Variants in ASB5 observed in about 807,000 individuals in gnomAD.
The protein encoded by ASB5 is ankyrin repeat and SOCS box protein 5.
ASB5 carries 45 observed loss-of-function variants against 42.1 expected under a neutral mutation model. The observed-to-expected ratio is 1.07, with a 90% CI of 0.84 to 1.37. ASB5 has a LOEUF of 1.37. Among genes scored for constraint, ASB5 ranks in the 40% most tolerant of loss-of-function variants. The pLI is 0.00. For synonymous variants in ASB5, 147 were observed against 150.6 expected (o/e 0.98, Z 0.18); for missense variants, 402 against 399.8 (o/e 1.01, Z -0.05).
At chr4:176,222,473 T>C in intron 2 of ASB5, 53 bp from the exon 3 acceptor site, 2 of 1,409,230 alleles carry the variant, frequency 1.4e-6, no homozygotes, top group Non-Finnish European at 2.0e-6. Context: ...ACTTAAAAAA[T>C]CATCTATATG....
intron 1 of ASB5, among the ~76,000 whole-genome samples, chr4:176,231,757 A>G (rs1753552063): frequency 6.6e-6 from 1 of 152,182 alleles, no homozygotes; most frequent in East Asian, 1.9e-4. Flanking sequence ...TGAGATGAGA[A>G]GATCGCTAGA....
At chr4:176,222,162 A>G in intron 3 of ASB5, 151 bp downstream of exon 3, 1 of 688,922 alleles carries the variant, frequency 1.5e-6, no homozygotes, top group Non-Finnish European at 2.4e-6. Context: ...TTTAGAGTGC[A>G]ATAAGAAGAC....
intron 1 of ASB5, among the ~76,000 whole-genome samples, chr4:176,249,969 G>T (rs185317789): frequency 0.012 from 1,820 of 151,530 alleles, 13 homozygotes; most frequent in Non-Finnish European, 0.018. Flanking sequence ...GGAGGCTGAG[G>T]CAGGAGAATG....
At chr4:176,230,388 C>A (rs1241964951) in intron 1 of ASB5, among the ~76,000 whole-genome samples, 1 of 152,134 alleles carries the variant, frequency 6.6e-6, no homozygotes, top group Non-Finnish European at 1.5e-5. Flanking sequence ...CAGCAACCAA[C>A]AACTGCTGTT....
chr4:176,229,050 T>A (rs187255377), intron 1 of ASB5, among the ~76,000 whole-genome samples: 18 of 152,338 alleles, frequency 1.2e-4, no homozygotes, highest in African/African-American at 4.1e-4. Context: ...AGCAAAGCAA[T>A]AATAAATTAA....
Position 176,221,293 on chromosome 4 carries a change from C to T in ASB5, c.536-4G>A. The T allele has an allele frequency of 6.2e-7, 1 of 1,613,612 alleles. No individual in the cohort carries two copies. The highest frequency in any genetic ancestry group is 8.5e-7 in the Non-Finnish European group (1 of 1,179,782). Reference sequence around the variant, plus strand: ...ATGTCAAGACATTCATGGTGACCTGCCAACACAAAGTAGAGGAGTTTAACT... The same window carrying T: ...ATGTCAAGACATTCATGGTGACCTGTCAACACAAAGTAGAGGAGTTTAACT... On this transcript the variant is annotated splice_region_variant and splice_polypyrimidine_tract_variant and intron_variant, in intron 4 of 6. Transcript: ENST00000296525.
chr4:176,250,603 G>T (rs1024456669), intron 1 of ASB5, among the ~76,000 whole-genome samples: 1 of 152,176 alleles, frequency 6.6e-6, no homozygotes, highest in African/African-American at 2.4e-5. Context: ...AAAGAAACAG[G>T]TCGAGAGAGG....
chr4:176,237,208 C>A (rs751162555), intron 1 of ASB5: 1 of 885,722 alleles, frequency 1.1e-6, no homozygotes, highest in Non-Finnish European at 1.4e-6. Flanking sequence ...GGAAAGCACC[C>A]GCAGTTTAAA....
Position 176,269,166 on chromosome 4 carries a change from C to A in ASB5, c.-58G>T. The stretch of plus-strand genomic sequence containing the variant: ...GGATCCAAGTCTCAAATGTGCCTGG[C>A]TCTCGTCCGGGATGCTCCTGAACAG... On this transcript the variant is annotated 5_prime_UTR_variant, in exon 1 of 7. Coordinates refer to ENST00000296525, the MANE Select transcript of ASB5 (RefSeq NM_080874.4). 3.3e-6 allele frequency: 5 copies of A among 1,527,978 alleles called. No homozygotes were observed. Among genetic ancestry groups the A allele is most frequent in the East Asian group, 2.3e-5 (1 of 43,502 alleles). 94.7% of individuals were successfully genotyped at this position (1,527,978 alleles called of 1,614,324 possible). A position where few individuals can be genotyped will look rare whatever the true frequency, so the allele number is the denominator to read the frequency against.
intron 1 of ASB5, among the ~76,000 whole-genome samples, chr4:176,234,099 G>A (rs1271417639): frequency 6.6e-6 from 1 of 152,176 alleles, no homozygotes; most frequent in Non-Finnish European, 1.5e-5. Flanking sequence ...CTGATGTATT[G>A]CAAAAGTCTC....
chr4:176,276,575 G>A (rs564172818), intron 1 of ASB5, among the ~76,000 whole-genome samples: 4 of 152,196 alleles, frequency 2.6e-5, no homozygotes, highest in Admixed American at 2.6e-4. Context: ...CATCTTCCCA[G>A]GCTCCATAAC....
At chr4:176,268,224 G>T (rs954699248) in intron 1 of ASB5, among the ~76,000 whole-genome samples, 1 of 152,062 alleles carries the variant, frequency 6.6e-6, no homozygotes, top group African/African-American at 2.4e-5. Context: ...GGGTAATATT[G>T]TTTCTCATTT....
At chr4:176,274,909 A>ATTTTTT (rs35690692) in intron 2 of ASB5, among the ~76,000 whole-genome samples, 26 of 106,298 alleles carry the variant, frequency 2.4e-4, no homozygotes, top group East Asian at 5.1e-4. Context: ...CAGCATAGCA[A>ATTTTTT]TTTTTTTTTT....
At position 176,222,402 on chromosome 4, in the gene ASB5, C is replaced by G; in HGVS notation, c.295G>C (p.Val99Leu). 6.2e-7 allele frequency: 1 copy of G among 1,613,176 alleles called. No homozygotes were observed. Residue 99 changes from valine (V) to leucine (L), a missense_variant, in exon 3 of 7, where the codon GTA becomes CTA. Physicochemically the swap from Val to Leu is conservative, Grantham distance 32. Coordinates refer to ENST00000296525, the MANE Select transcript of ASB5 (RefSeq NM_080874.4). Reference protein sequence around the residue: ...LLSQGYNVNAVTLDHVTPLHE... With the variant: ...LLSQGYNVNALTLDHVTPLHE... ...AATGGGGTGACATGGTCTAAGGTTA[C>G]TGCATTTACATTATAACCCTAAATG...
intron 1 of ASB5, among the ~76,000 whole-genome samples, chr4:176,234,576 C>A (rs1753637094): frequency 6.6e-6 from 1 of 152,198 alleles, no homozygotes; most frequent in African/African-American, 2.4e-5. Context: ...GAAAGCGAGA[C>A]TCAGTTGATT....
chr4:176,245,997 G>A (rs1472675902), intron 1 of ASB5, among the ~76,000 whole-genome samples: 1 of 151,750 alleles, frequency 6.6e-6, no homozygotes, highest in East Asian at 1.9e-4. Flanking sequence ...GTATACATAT[G>A]TAACAAACCT....
intron 5 of ASB5, among the ~76,000 whole-genome samples, chr4:176,219,214 T>C (rs1753095026): frequency 8.6e-6 from 1 of 116,798 alleles, no homozygotes; most frequent in Admixed American, 1.1e-4. Flanking sequence ...GTATGACAGA[T>C]AAATATATAT....
intron 1 of ASB5, among the ~76,000 whole-genome samples, chr4:176,253,567 A>AG (rs1754086658): frequency 1.3e-5 from 2 of 152,240 alleles, no homozygotes; most frequent in Non-Finnish European, 2.9e-5. Flanking sequence ...AGAAAGAAAT[A>AG]AAAGGCATCC....
intron 1 of ASB5, among the ~76,000 whole-genome samples, chr4:176,230,888 A>C (rs1410603550): frequency 6.6e-6 from 1 of 152,236 alleles, no homozygotes; most frequent in Non-Finnish European, 1.5e-5. Flanking sequence ...ACTTTAAAAA[A>C]TGTGTAATTT....
Sources: allele counts gnomAD v4.1 joint callset (sites outside exome capture counted in the v4.1 genomes callset), GRCh38; gene constraint gnomAD v4.1.1; transcripts MANE v1.5; gene names NCBI Gene and HGNC (gene_info 2026-07-23, HGNC 2026-07-21).